The following COL6A2 variants were observed in gnomAD, a reference collection of about 807,000 sequenced individuals.
COL6A2 encodes collagen alpha-2(VI) chain.
In COL6A2, 90 loss-of-function variants were observed where a neutral mutation model predicts 124.9. The observed-to-expected ratio is 0.72, with a 90% CI of 0.61 to 0.86. The LOEUF is 0.86. Among genes scored for constraint, COL6A2 ranks in the 40% least tolerant of loss-of-function variants. COL6A2 has a pLI of 0.00. For missense variants in COL6A2, 1,607 were observed against 1,502.5 expected (o/e 1.07, Z -1.15); for synonymous variants, 793 against 618.2 (o/e 1.28, Z -4.19).
At chr21:46,118,143 C>T (rs2078505631) in intron 12 of COL6A2, among the ~76,000 whole-genome samples, 1 of 152,082 alleles carries the variant, frequency 6.6e-6, no homozygotes, top group Admixed American at 6.5e-5. Context: ...CCCGCCGCTG[C>T]TCACCGAGGC....
chr21:46,098,515 C>T (rs186560945), intron 1 of COL6A2, among the ~76,000 whole-genome samples: 8,169 of 151,846 alleles, frequency 0.054, 306 homozygotes, highest in Non-Finnish European at 0.083. Context: ...CGAGACGACC[C>T]CGGCACCGCA....
chr21:46,129,296 G>C (rs2078724243), intron 27 of COL6A2: 1 of 1,612,954 alleles, frequency 6.2e-7, no homozygotes, highest in South Asian at 1.1e-5. Context: ...TCCAACAGTT[G>C]CTAAACGCCA....
intron 1 of COL6A2, among the ~76,000 whole-genome samples, 162 bp downstream of exon 1, chr21:46,098,335 C>T (rs1273654605): frequency 6.6e-6 from 1 of 151,850 alleles, no homozygotes; most frequent in African/African-American, 2.4e-5. Flanking sequence ...GGGGCTCCTC[C>T]TCGCGGGGCT....
At position 46,124,910 on chromosome 21, in the gene COL6A2, C is replaced by T. The variant is rs371631650; in HGVS notation, c.1760C>T (p.Pro587Leu). The T allele has an allele frequency of 5.0e-5, 81 of 1,612,818 alleles. No individual in the cohort carries two copies. Among genetic ancestry groups the T allele is most frequent in the Non-Finnish European group, 6.7e-5 (79 of 1,180,036 alleles). Residue 587 changes from proline (P) to leucine (L), a missense_variant, in exon 23 of 28, where the codon CCC becomes CTC. Physicochemically the swap from Pro to Leu is moderately conservative, Grantham distance 98. Coordinates refer to ENST00000300527, the MANE Select transcript of COL6A2 (RefSeq NM_001849.4). Reference protein sequence around the residue: ...PEGEPGPPGDPGLTECDVMTY... With the variant: ...PEGEPGPPGDLGLTECDVMTY... The stretch of plus-strand genomic sequence containing the variant: ...GGTGAGCCCGGCCCCCCTGGAGACC[C>T]CGGTCTCACGGTAGGTGTCACATGG...
In COL6A2 at chr21:46,117,470, C is replaced by T; in HGVS notation, c.1053+17C>T. The T allele has an allele frequency of 6.2e-7, 1 of 1,612,066 alleles. No homozygotes were observed. Among genetic ancestry groups the T allele is most frequent in the East Asian group, 2.2e-5 (1 of 44,870 alleles). The stretch of plus-strand genomic sequence containing the variant: ...GGAAACCGGGTAAGGGCCGTTTGCA[C>T]CCCTCCTTCAGCCTCGGCCCAGGGG... On this transcript the variant is annotated intron_variant, in intron 11 of 27. Transcript: ENST00000300527.
rs2078649185 is a variant in COL6A2, at chr21:46,125,541, C to T, written c.1893C>T (p.Phe631=). ...CCGAGAGCATTGGGTACACCAACTT[C>T]ACACTGGAGAAGAACTTCGTCATCA... ...DSSESIGYTN[F]TLEKNFVINV... The change falls in exon 25 of 28, where the codon TTC becomes TTT. Residue 631 remains phenylalanine (F), a synonymous_variant. Coordinates refer to ENST00000300527, the MANE Select transcript of COL6A2 (RefSeq NM_001849.4). 1 of 1,612,974 alleles carries T rather than the reference C, an allele frequency of 6.2e-7. No individual in the cohort carries two copies. Among genetic ancestry groups the T allele is most frequent in the Non-Finnish European group, 8.5e-7 (1 of 1,179,970 alleles).
chr21:46,118,784 A>G, intron 13 of COL6A2, 108 bp downstream of exon 13: 3 of 1,344,146 alleles, frequency 2.2e-6, no homozygotes, highest in South Asian at 1.2e-5. Context: ...ATGGTGCCGC[A>G]TTGGGCTCTG....
Position 46,116,304 on chromosome 21 carries a change from G to T in COL6A2, c.901-73G>T. ...GCCCACCGAGCACTCCCCTCAGCCT[G>T]CAGGGCTGGCCCTTCCCTGCCTGTG... On this transcript the variant is annotated intron_variant, in intron 7 of 27. Coordinates refer to ENST00000300527, the MANE Select transcript of COL6A2 (RefSeq NM_001849.4). The surrounding 1 kb of genome is among the most constrained non-coding windows in gnomAD (Gnocchi z 4.6). 4 of 1,556,686 alleles carry T rather than the reference G, an allele frequency of 2.6e-6. No individual in the cohort carries two copies. In the South Asian group the frequency reaches 3.4e-5, roughly 13 times the overall value.
chr21:46,115,967 C>A (rs762914509), intron 6 of COL6A2, 42 bp downstream of exon 6: 1 of 1,611,122 alleles, frequency 6.2e-7, no homozygotes, highest in Admixed American at 1.7e-5. Context: ...TGCAGCCCAG[C>A]GCCCCAGGGC....
chr21:46,128,188 A>G (rs1185068318), intron 27 of COL6A2, among the ~76,000 whole-genome samples: 1 of 152,168 alleles, frequency 6.6e-6, no homozygotes, highest in Non-Finnish European at 1.5e-5. Flanking sequence ...CCACAGGGAA[A>G]GCAGCCAGGG....
chr21:46,118,118 C>T (rs2078505043), intron 12 of COL6A2, among the ~76,000 whole-genome samples, 182 bp downstream of exon 12: 1 of 152,072 alleles, frequency 6.6e-6, no homozygotes, highest in Non-Finnish European at 1.5e-5. Flanking sequence ...AGCTTCTAAC[C>T]AGGGCTTGGG....
At chr21:46,111,390 G>T in intron 1 of COL6A2, 60 bp from the exon 2 acceptor site, 1 of 965,036 alleles carries the variant, frequency 1.0e-6, no homozygotes, top group South Asian at 1.4e-5. Flanking sequence ...GCCTGCCATG[G>T]GGGAGGGTGC....
chr21:46,129,368 C>T (rs747538044), intron 27 of COL6A2: 17 of 1,612,856 alleles, frequency 1.1e-5, no homozygotes, highest in Admixed American at 6.7e-5. Flanking sequence ...TCTACACCGC[C>T]GAGCGGGCCA....
chr21:46,105,876 A>G (rs1369746135), intron 1 of COL6A2, among the ~76,000 whole-genome samples: 2 of 152,356 alleles, frequency 1.3e-5, no homozygotes, highest in East Asian at 3.9e-4. Context: ...CTTTATCAGT[A>G]ATTACTTTAG....
intron 27 of COL6A2, chr21:46,129,617 C>T: frequency 1.4e-6 from 2 of 1,430,998 alleles, no homozygotes; most frequent in East Asian, 2.5e-5. Flanking sequence ...GGCTACAGTC[C>T]TTCCAGGGGC....
Position 46,132,102 on chromosome 21 carries a change from C to G in COL6A2, c.2610C>G (p.Asp870Glu), listed in dbSNP as rs116817879. ...ARRLTLARRD[D>E]DPLNARVALL... ...GGCTGACGCTGGCCCGGAGGGACGACGACCCTCTCAACGCACGCGTGGCGC... is the reference window on the plus strand; with the variant it reads ...GGCTGACGCTGGCCCGGAGGGACGAGGACCCTCTCAACGCACGCGTGGCGC... The change falls in exon 28 of 28, where the codon GAC (aspartate) becomes GAG (glutamate). Residue 870 changes from aspartate (D) to glutamate (E), a missense_variant. Coordinates refer to ENST00000300527, the MANE Select transcript of COL6A2 (RefSeq NM_001849.4). 6.3e-7 allele frequency: 1 copy of G among 1,593,328 alleles called. No homozygotes were observed. Among genetic ancestry groups the G allele is most frequent in the African/African-American group, 1.3e-5 (1 of 74,370 alleles).
intron 15 of COL6A2, 65 bp from the exon 16 acceptor site, chr21:46,120,450 C>A: frequency 7.3e-7 from 1 of 1,377,574 alleles, no homozygotes; most frequent in Non-Finnish European, 1.0e-6. Flanking sequence ...ACACCCGCCT[C>A]TCACATGGGA....
chr21:46,119,879 G>C, intron 15 of COL6A2, 29 bp downstream of exon 15: 6 of 1,547,858 alleles, frequency 3.9e-6, no homozygotes, highest in Non-Finnish European at 5.2e-6. Flanking sequence ...GCAGCCCAGG[G>C]TCTCACTGTG....
intron 14 of COL6A2, among the ~76,000 whole-genome samples, chr21:46,119,581 C>T (rs535574078): frequency 8.5e-5 from 13 of 152,346 alleles, no homozygotes; most frequent in Middle Eastern, 3.4e-3. Context: ...TGGGCGGGAC[C>T]GACGCAGCAG....
Sources: gnomAD v4.1 joint callset for allele counts (sites outside exome capture counted in the v4.1 genomes callset) on GRCh38, gnomAD v4.1.1 for gene constraint, Gnocchi (gnomAD v3.1) non-coding constraint, MANE v1.5 for transcripts, NCBI Gene and HGNC (gene_info 2026-07-23, HGNC 2026-07-21) for gene names.